Variants in SYT16 observed in about 807,000 individuals in gnomAD.
SYT16 encodes the protein synaptotagmin 16.
A neutral mutation model predicts 61.4 loss-of-function variants in SYT16; 42 were observed. The observed-to-expected ratio is 0.68, with a 90% CI of 0.53 to 0.89. The LOEUF is 0.89. SYT16 is among the 40% of genes least tolerant of loss of function. The probability of loss-of-function intolerance (pLI) is 0.00; values close to 1 mark genes in which losing one functional copy is unlikely to be tolerated. For missense variants in SYT16, 804 were observed against 807.3 expected (o/e 1.00, Z 0.05); for synonymous variants, 314 against 302.3 (o/e 1.04, Z -0.40).
chr14:61,979,390 T>C (rs2051958985), intron 2 of SYT16, among the ~76,000 whole-genome samples: 1 of 152,148 alleles, frequency 6.6e-6, no homozygotes, highest in Non-Finnish European at 1.5e-5. Context: ...TATAGTCTTC[T>C]TTCCTGGGGC....
intron 3 of SYT16, among the ~76,000 whole-genome samples, chr14:62,065,346 T>A (rs746901372): frequency 6.6e-6 from 1 of 152,206 alleles, no homozygotes; most frequent in Non-Finnish European, 1.5e-5. Flanking sequence ...TCTATCTATA[T>A]AATCAGAATA....
chr14:62,024,902 C>T (rs1471648035), intron 3 of SYT16, among the ~76,000 whole-genome samples: 6 of 152,076 alleles, frequency 3.9e-5, no homozygotes, highest in East Asian at 1.9e-4. Flanking sequence ...AGGTGTTTCA[C>T]GTGGGCTTTT....
At chr14:61,847,108 T>C (rs925467930) in intron 1 of SYT16, among the ~76,000 whole-genome samples, 3 of 152,192 alleles carry the variant, frequency 2.0e-5, no homozygotes, top group African/African-American at 7.2e-5. Context: ...TAGAATGTTA[T>C]GTATGTTTCT....
chr14:61,917,523 A>G (rs940555267), intron 1 of SYT16, among the ~76,000 whole-genome samples: 2 of 152,206 alleles, frequency 1.3e-5, no homozygotes, highest in Non-Finnish European at 2.9e-5. Context: ...CTTAAGGGGA[A>G]ACGTTCCCAA....
intron 1 of SYT16, among the ~76,000 whole-genome samples, chr14:61,967,156 T>C (rs1352365043): frequency 6.6e-6 from 1 of 152,046 alleles, no homozygotes; most frequent in African/African-American, 2.4e-5. Context: ...AGTTGAAATA[T>C]GCAAAGATCT....
chr14:61,961,655 T>C (rs1312361624), intron 1 of SYT16, among the ~76,000 whole-genome samples: 1 of 152,212 alleles, frequency 6.6e-6, no homozygotes, highest in South Asian at 2.1e-4. Context: ...TGAACACTTA[T>C]ACACTGCTGG....
At position 62,075,162 on chromosome 14, in the gene SYT16, A is replaced by T. The variant is rs1367353222; in HGVS notation, c.764A>T (p.Tyr255Phe). 6.2e-7 allele frequency: 1 copy of T among 1,611,802 alleles called. No individual in the cohort carries two copies. Among genetic ancestry groups the T allele is most frequent in the African/African-American group, 1.3e-5 (1 of 74,908 alleles). Residue 255 changes from tyrosine (Y) to phenylalanine (F), a missense_variant, in exon 5 of 8, where the codon TAT (tyrosine) becomes TTT (phenylalanine). By Grantham distance (22) the Tyr-to-Phe change is conservative. Transcript: ENST00000683842. ...TTGGATGGAGCCAGCCAACGGCGTT[A>T]TTCTGAGAATCTCTCCTACGGTGAA... ...EDLDGASQRRYSENLSYGEDD... is the reference protein window; with the variant it reads ...EDLDGASQRRFSENLSYGEDD...
In SYT16 at chr14:61,991,946, G is replaced by GTTCATTCA. The variant is rs1421603336; in HGVS notation, c.-144-3927_-144-3926insATTCATTC. Among the ~76,000 whole-genome samples the GTTCATTCA allele has an allele frequency of 9.0e-4, 108 of 120,366 alleles. No individual in the cohort carries two copies. In the Middle Eastern group the frequency reaches 0.012, roughly 13 times the overall value. The allele number at this position is 120,366 out of a possible 152,430, so 79.0% of individuals were successfully genotyped here. On this transcript the variant is annotated intron_variant, in intron 2 of 7. Coordinates refer to ENST00000683842, the MANE Select transcript of SYT16 (RefSeq NM_001367656.1). Reference sequence around the variant, plus strand: ...TTTAAATGTTTTCACTAATAACTTTGTTCGTTCATTCATTCATTCATTCAT... The same window carrying GTTCATTCA: ...TTTAAATGTTTTCACTAATAACTTTGTTCATTCATTCGTTCATTCATTCATTCATTCAT...
chr14:62,028,126 T>C (rs1440956094), intron 3 of SYT16, among the ~76,000 whole-genome samples: 2 of 152,152 alleles, frequency 1.3e-5, no homozygotes, highest in Non-Finnish European at 2.9e-5. Context: ...CAGAATTTGC[T>C]CAGTTGTGTT....
At chr14:61,990,009 C>T (rs931721585) in intron 2 of SYT16, among the ~76,000 whole-genome samples, 9 of 152,076 alleles carry the variant, frequency 5.9e-5, no homozygotes, top group African/African-American at 1.7e-4. Context: ...GAGATGCCAA[C>T]GTTTAGAACA....
chr14:61,878,134 A>G (rs1398802335), intron 1 of SYT16, among the ~76,000 whole-genome samples: 1 of 152,154 alleles, frequency 6.6e-6, no homozygotes, highest in Non-Finnish European at 1.5e-5. Flanking sequence ...GAGGCAAAAA[A>G]CTTAAAAGGA....
chr14:62,100,438 A>T lies in SYT16; in HGVS notation c.1669A>T (p.Met557Leu). The T allele has an allele frequency of 6.2e-7, 1 of 1,612,860 alleles. No homozygotes were observed. The highest frequency in any genetic ancestry group is 1.1e-5 in the South Asian group (1 of 90,848). ...TCTCCTCAATTCTGTGGGTCAAGAG[A>T]TGTCCCGTTGCAAGACGTCCATTCG... ...LFLLNSVGQEMSRCKTSIRRG... is the reference protein window; with the variant it reads ...LFLLNSVGQELSRCKTSIRRG... The change falls in exon 8 of 8, where the codon ATG (methionine) becomes TTG (leucine). Residue 557 changes from methionine (M) to leucine (L), a missense_variant. Met to Leu is a conservative substitution (Grantham distance 15). Coordinates refer to ENST00000683842, the MANE Select transcript of SYT16 (RefSeq NM_001367656.1).
At chr14:61,986,871 CA>C (rs1298777965) in intron 2 of SYT16, among the ~76,000 whole-genome samples, 1 of 152,008 alleles carries the variant, frequency 6.6e-6, no homozygotes, top group Non-Finnish European at 1.5e-5. Flanking sequence ...TTCAAATATT[CA>C]AAAATATTGA....
In SYT16 at chr14:62,108,422, TTAAG is replaced by T. The variant is rs1328525572; in HGVS notation, c.*7717_*7720del. The T allele has an allele frequency of 1.3e-5, 2 of 152,162 alleles. No homozygotes were observed. Among genetic ancestry groups the T allele is most frequent in the African/African-American group, 4.8e-5 (2 of 41,436 alleles). 9.4% of individuals were successfully genotyped at this position (152,162 alleles called of 1,614,324 possible). On this transcript the variant is annotated 3_prime_UTR_variant, in exon 8 of 8. Coordinates refer to ENST00000683842, the MANE Select transcript of SYT16 (RefSeq NM_001367656.1). ...GGAAGTCTGCCAGTAAAAACTCTGA[TTAAG>T]TGAGGAACATGTACATTAAAAGATA...
In SYT16 at chr14:62,101,081, G is replaced by A. The variant is rs1468949166; in HGVS notation, c.*374G>A. The A allele has an allele frequency of 1.2e-5, 2 of 168,534 alleles. No individual in the cohort carries two copies. The highest frequency in any genetic ancestry group is 2.5e-5 in the Non-Finnish European group (2 of 78,490). The allele number at this position is 168,534 out of a possible 1,614,324, so 10.4% of individuals were successfully genotyped here. ...AGGGAGCTGTTAATTGTTACTATTTGCAACCATTTAGGTGGATGAATCAGA... is the reference window on the plus strand; with the variant it reads ...AGGGAGCTGTTAATTGTTACTATTTACAACCATTTAGGTGGATGAATCAGA... On this transcript the variant is annotated 3_prime_UTR_variant, in exon 8 of 8. Transcript: ENST00000683842.
At chr14:62,017,723 G>GTTT (rs796667323) in intron 3 of SYT16, among the ~76,000 whole-genome samples, 2 of 141,392 alleles carry the variant, frequency 1.4e-5, no homozygotes, top group Non-Finnish European at 1.6e-5. Context: ...TCAGTGTGTG[G>GTTT]TTTTTTTTTT....
Position 61,948,488 on chromosome 14 carries a change from C to T in SYT16, c.-324-21644C>T, listed in dbSNP as rs375754830. Reference sequence around the variant, plus strand: ...CTGGAGGCTTTCACGGCAGTCGGGCCTCAGAATGGTAAGGGTCTGATTGAA... The same window carrying T: ...CTGGAGGCTTTCACGGCAGTCGGGCTTCAGAATGGTAAGGGTCTGATTGAA... On this transcript the variant is annotated intron_variant, in intron 1 of 7. Coordinates refer to ENST00000683842, the MANE Select transcript of SYT16 (RefSeq NM_001367656.1). 3.6e-4 allele frequency among the ~76,000 whole-genome samples: 54 copies of T among 151,772 alleles called. No individual in the cohort carries two copies. The South Asian group carries it at 9.8e-3, about 28-fold the overall frequency.
intron 5 of SYT16, among the ~76,000 whole-genome samples, chr14:62,078,791 C>T (rs546234854): frequency 3.3e-5 from 5 of 152,292 alleles, no homozygotes; most frequent in East Asian, 3.9e-4. Context: ...TAAGCCTTGG[C>T]GGTCGACAGA....
intron 1 of SYT16, among the ~76,000 whole-genome samples, chr14:61,942,401 T>C (rs2050244154): frequency 6.6e-6 from 1 of 152,236 alleles, no homozygotes; most frequent in African/African-American, 2.4e-5. Context: ...GTTTACCATG[T>C]TGGAGAAGAG....
Sources: gnomAD v4.1 joint callset for allele counts (sites outside exome capture counted in the v4.1 genomes callset) on GRCh38, gnomAD v4.1.1 for gene constraint, MANE v1.5 for transcripts, NCBI Gene and HGNC (gene_info 2026-07-23, HGNC 2026-07-21) for gene names.